The following ITPR2 variants were observed in gnomAD, a reference collection of about 807,000 sequenced individuals.
The protein encoded by ITPR2 is inositol 1,4,5-trisphosphate-gated calcium channel ITPR2.
In ITPR2, 207 loss-of-function variants were observed where a neutral mutation model predicts 317.1. That is an observed-to-expected ratio of 0.65 (90% CI 0.58 to 0.73). The LOEUF (loss-of-function observed/expected upper bound fraction) is 0.73, where lower values mean the gene tolerates loss of function less well. Among genes scored for constraint, ITPR2 ranks in the 30% least tolerant of loss-of-function variants. ITPR2 has a pLI of 0.00. For synonymous variants in ITPR2, 1,156 were observed against 1,149.1 expected, an observed-to-expected ratio of 1.01 and a Z score of -0.12; for missense variants, 2,613 against 3,284.0, an observed-to-expected ratio of 0.80 and a Z score of 4.99.
At chr12:26,751,920 C>A (rs1949430413) in intron 2 of ITPR2, among the ~76,000 whole-genome samples, 1 of 151,708 alleles carries the variant, frequency 6.6e-6, no homozygotes, top group South Asian at 2.1e-4. Context: ...AAAACCACAT[C>A]ATTTCGAACC....
intron 21 of ITPR2, among the ~76,000 whole-genome samples, chr12:26,633,841 C>T (rs998037460): frequency 1.3e-5 from 2 of 152,184 alleles, no homozygotes; most frequent in Non-Finnish European, 2.9e-5. Flanking sequence ...GAACAGGCTC[C>T]TTTGTTATTC....
At chr12:26,359,123 T>C (rs1938738336) in intron 55 of ITPR2, among the ~76,000 whole-genome samples, 1 of 152,244 alleles carries the variant, frequency 6.6e-6, no homozygotes, top group Non-Finnish European at 1.5e-5. Context: ...CCTTTGTTTC[T>C]AGAGCCTAGA....
intron 2 of ITPR2, among the ~76,000 whole-genome samples, chr12:26,747,496 T>C (rs1949343993): frequency 6.6e-6 from 1 of 152,216 alleles, no homozygotes; most frequent in Non-Finnish European, 1.5e-5. Flanking sequence ...CTAATGTAGG[T>C]TTATCAACAT....
chr12:26,795,154 C>T (rs934028994), intron 1 of ITPR2, among the ~76,000 whole-genome samples: 6 of 152,158 alleles, frequency 3.9e-5, no homozygotes, highest in Non-Finnish European at 2.9e-5. Flanking sequence ...TATCTAGAAA[C>T]TCAACACCAA....
intron 9 of ITPR2, among the ~76,000 whole-genome samples, chr12:26,708,965 G>A (rs920907242): frequency 1.3e-5 from 2 of 152,140 alleles, no homozygotes; most frequent in Admixed American, 6.5e-5. Flanking sequence ...AATGATAAAC[G>A]TGTAATCATT....
chr12:26,785,334 C>T (rs1273597847), intron 2 of ITPR2, among the ~76,000 whole-genome samples: 3 of 38,476 alleles, frequency 7.8e-5, no homozygotes, highest in Non-Finnish European at 2.0e-4. Context: ...GCCAGCCGCC[C>T]CGTCCGGGAG....
At chr12:26,394,823 G>A (rs1939946814) in intron 54 of ITPR2, among the ~76,000 whole-genome samples, 1 of 152,162 alleles carries the variant, frequency 6.6e-6, no homozygotes, top group African/African-American at 2.4e-5. Flanking sequence ...GGATGTGGGT[G>A]AGATTGTGAA....
At chr12:26,512,185 A>T (rs1591843314) in intron 37 of ITPR2, among the ~76,000 whole-genome samples, 2 of 7,152 alleles carry the variant, frequency 2.8e-4, no homozygotes, top group Admixed American at 1.4e-3. Flanking sequence ...CTACAAAGAT[A>T]AAAAAAAAAA....
At position 26,682,604 on chromosome 12, in the gene ITPR2, G is replaced by A. The variant is rs139750857; in HGVS notation, c.1218C>T (p.Asp406=). 9 of 1,612,152 alleles carry A rather than the reference G, an allele frequency of 5.6e-6. No homozygotes were observed. Among genetic ancestry groups the A allele is most frequent in the Middle Eastern group, 1.7e-4 (1 of 6,058 alleles). The change falls in exon 12 of 57, where the codon GAC becomes GAT. Residue 406 remains aspartate (D), a synonymous_variant. Coordinates refer to ENST00000381340, the MANE Select transcript of ITPR2 (RefSeq NM_002223.4). ...ACATAACAGGCCTCTCTTCATCTGT[G>A]TCTATGGGGATACTAGTACTGGTTA... The part of the protein sequence containing the change: ...TWVTSTSIPI[D]TDEERPVMLK...
intron 21 of ITPR2, among the ~76,000 whole-genome samples, chr12:26,634,231 C>T (rs1565654767): frequency 6.6e-6 from 1 of 152,176 alleles, no homozygotes; most frequent in African/African-American, 2.4e-5. Context: ...TGAACCATTA[C>T]AGCTTGAAAA....
At chr12:26,651,770 GCCC>G (rs946656466) in intron 21 of ITPR2, among the ~76,000 whole-genome samples, 2 of 152,116 alleles carry the variant, frequency 1.3e-5, no homozygotes, top group Non-Finnish European at 2.9e-5. Flanking sequence ...GTTCAACATC[GCCC>G]CCTCCTGTCA....
At chr12:26,575,020 A>G (rs566286483) in intron 34 of ITPR2, among the ~76,000 whole-genome samples, 1 of 151,676 alleles carries the variant, frequency 6.6e-6, no homozygotes, top group Admixed American at 6.6e-5. Flanking sequence ...TATCACAGAC[A>G]CTAAGAAAGG....
chr12:26,657,802 G>T lies in ITPR2; in HGVS notation c.2097C>A (p.Asp699Glu). 1 of 1,614,154 alleles carries T rather than the reference G, an allele frequency of 6.2e-7. No individual in the cohort carries two copies. The highest frequency in any genetic ancestry group is 1.1e-5 in the South Asian group (1 of 91,084). The change falls in exon 18 of 57, where the codon GAC becomes GAA. Residue 699 changes from aspartate (D) to glutamate (E), a missense_variant. Physicochemically the swap from Asp to Glu is conservative, Grantham distance 45. Transcript: ENST00000381340. The part of the protein sequence containing the change: ...DDEEVWLYWI[D>E]SNKEPHGKAI... ...CTTTGCCATGAGGTTCCTTGTTGCT[G>T]TCAATCCAATAGAGCCAAACTTCTT...
At chr12:26,662,390 G>A (rs1947522799) in intron 15 of ITPR2, among the ~76,000 whole-genome samples, 1 of 152,074 alleles carries the variant, frequency 6.6e-6, no homozygotes, top group Admixed American at 6.5e-5. Context: ...ACTGAGCCTG[G>A]TACAAAGTAA....
intron 37 of ITPR2, among the ~76,000 whole-genome samples, chr12:26,516,275 G>GGAAGGGAAAGGAAGGGAAA (rs1565574550): frequency 5.3e-5 from 2 of 37,802 alleles, no homozygotes; most frequent in African/African-American, 9.9e-5. Context: ...AGGAAAGGAA[G>GGAAGGGAAAGGAAGGGAAA]GGAAGGGAAG....
intron 37 of ITPR2, among the ~76,000 whole-genome samples, chr12:26,508,138 A>G (rs1943240604): frequency 6.6e-6 from 1 of 152,158 alleles, no homozygotes; most frequent in Non-Finnish European, 1.5e-5. Context: ...ACATTTCTAA[A>G]TTACAGGTCA....
Position 26,443,526 on chromosome 12 carries a change from A to C in ITPR2, c.6450+17T>G. The C allele has an allele frequency of 6.3e-7, 1 of 1,578,136 alleles. No individual in the cohort carries two copies. Among genetic ancestry groups the C allele is most frequent in the Non-Finnish European group, 8.7e-7 (1 of 1,150,784 alleles). On this transcript the variant is annotated intron_variant, in intron 46 of 56. Transcript: ENST00000381340. ...CTTTTCACAGTTGGTCTCTTTCAAT[A>C]AATAATAGATGGTTACCTCAATCTG...
intron 5 of ITPR2, among the ~76,000 whole-genome samples, chr12:26,717,409 G>A (rs1270825992): frequency 6.6e-6 from 1 of 152,190 alleles, no homozygotes; most frequent in Non-Finnish European, 1.5e-5. Flanking sequence ...TCTGGCGATT[G>A]AAATATAATA....
At chr12:26,780,104 T>C (rs991571484) in intron 2 of ITPR2, among the ~76,000 whole-genome samples, 1 of 152,204 alleles carries the variant, frequency 6.6e-6, no homozygotes, top group Non-Finnish European at 1.5e-5. Context: ...AAAGTGGCTA[T>C]GGTGGCAGGG....
Sources: gnomAD v4.1 joint callset for allele counts (sites outside exome capture counted in the v4.1 genomes callset) on GRCh38, gnomAD v4.1.1 for gene constraint, MANE v1.5 for transcripts, NCBI Gene and HGNC (gene_info 2026-07-23, HGNC 2026-07-21) for gene names.